Variants in MED12 observed in about 807,000 individuals in gnomAD.
The protein encoded by MED12 is mediator of RNA polymerase II transcription subunit 12.
A neutral mutation model predicts 177.7 loss-of-function variants in MED12; 10 were observed. The ratio of observed to expected loss-of-function variants is 0.06; its 90% CI spans 0.03 to 0.10. The LOEUF (loss-of-function observed/expected upper bound fraction) is 0.10, where lower values mean the gene tolerates loss of function less well. Ranked by LOEUF, MED12 falls within the 10% of genes least tolerant of loss-of-function variation. The pLI, the probability that MED12 is intolerant of heterozygous loss-of-function variation, is 1.00. For synonymous variants in MED12, 641 were observed against 678.4 expected (o/e 0.94, Z 0.86); for missense variants, 867 against 1,780.8 (o/e 0.49, Z 9.23).
At chrX:71,124,411 T>C in intron 13 of MED12, 23 bp downstream of exon 13, 1 of 1,114,969 alleles carries the variant, frequency 9.0e-7, no homozygotes, top group African/African-American at 1.8e-5. Flanking sequence ...TTCCTTGCAC[T>C]AGATCGTTTC....
intron 21 of MED12, 173 bp downstream of exon 21, chrX:71,127,640 A>G (rs2092306569): frequency 4.0e-6 from 2 of 497,506 alleles, no homozygotes; most frequent in Non-Finnish European, 6.9e-6. Context: ...CTTCCTCAGC[A>G]GGCTTGCTCC....
intron 28 of MED12, among the ~76,000 whole-genome samples, chrX:71,131,027 C>G (rs2092315507): frequency 8.9e-6 from 1 of 111,793 alleles, no homozygotes; most frequent in South Asian, 3.7e-4. Flanking sequence ...TTAAGCAGAA[C>G]TTCCTGATAC....
At position 71,137,320 on chromosome X, in the gene MED12, C is replaced by T; in HGVS notation, c.5685C>T (p.Thr1895=). The T allele has an allele frequency of 8.3e-7, 1 of 1,211,764 alleles. No homozygotes were observed. The highest frequency in any genetic ancestry group is 1.1e-6 in the Non-Finnish European group (1 of 895,492). Residue 1895 remains threonine (T), a synonymous_variant, in exon 39 of 45, where the codon ACC becomes ACT. Coordinates refer to ENST00000374080, the MANE Select transcript of MED12 (RefSeq NM_005120.3). ...GTTTAGAACCCTCCTCTTATAAGAC[C>T]TCTGTGTACCGGCAGCAGCAACCTG... is the stretch of plus-strand genomic sequence containing the variant. ...VMGLEPSSYK[T]SVYRQQQPAV... is the part of the protein sequence containing the mutation.
At chrX:71,141,859 C>G in intron 43 of MED12, 24 bp from the exon 44 acceptor site, 1 of 1,195,758 alleles carries the variant, frequency 8.4e-7, no homozygotes, top group Non-Finnish European at 1.1e-6. Context: ...CGACTTCAGT[C>G]TTCCACTTCC....
At chrX:71,125,927 A>G in intron 17 of MED12, 109 bp from the exon 18 acceptor site, 1 of 255,819 alleles carries the variant, frequency 3.9e-6, no homozygotes, top group Non-Finnish European at 7.3e-6. Context: ...CCCTCCTTCC[A>G]TCTCTCCCTC....
intron 13 of MED12, 42 bp from the exon 14 acceptor site, chrX:71,124,722 C>A (rs1569481284): frequency 1.8e-6 from 2 of 1,094,123 alleles, no homozygotes; most frequent in Non-Finnish European, 1.3e-6. Context: ...GGGAGCCACT[C>A]CCTAGGGCTA....
At chrX:71,122,487 C>T in intron 8 of MED12, 21 bp from the exon 9 acceptor site, 1 of 1,205,078 alleles carries the variant, frequency 8.3e-7, no homozygotes, top group Non-Finnish European at 1.1e-6. Context: ...ATCCTTGTAG[C>T]CTTCCTTTTT....
In MED12 at chrX:71,123,122, T is replaced by A. The variant is rs763909049; in HGVS notation, c.1513T>A (p.Ser505Thr). 7 of 1,209,592 alleles carry A rather than the reference T, an allele frequency of 5.8e-6. No individual in the cohort carries two copies. The highest frequency in any genetic ancestry group is 1.1e-6 in the Non-Finnish European group (1 of 895,002). Residue 505 changes from serine (S) to threonine (T), a missense_variant, in exon 11 of 45, where the codon TCA becomes ACA. This residue lies in a region of MED12 where 309 missense variants were observed against 556.3 expected (regional missense o/e 0.56). Transcript: ENST00000374080. ...EISSDDDAVV[S>T]LLCEWAVSCK... ...CTCCTCAGATGATGATGCTGTGGTG[T>A]CATTGCTATGTGAATGGGCTGTCAG...
intron 44 of MED12, 101 bp downstream of exon 44, chrX:71,142,065 G>A: frequency 9.0e-7 from 1 of 1,106,247 alleles, no homozygotes; most frequent in Non-Finnish European, 1.2e-6. Flanking sequence ...CAGGTTATGA[G>A]AGGAGGCATT....
intron 41 of MED12, among the ~76,000 whole-genome samples, chrX:71,139,898 C>CA (rs1301566457): frequency 1.5e-4 from 15 of 99,570 alleles, no homozygotes; most frequent in Middle Eastern, 5.1e-3. Context: ...GACTCTGTCT[C>CA]AAAAAAAAAA....
Position 71,137,551 on chromosome X carries a change from C to T in MED12, c.5749-7C>T, listed in dbSNP as rs1402668355. 2.5e-6 allele frequency: 3 copies of T among 1,206,753 alleles called. No individual in the cohort carries two copies. The highest frequency in any genetic ancestry group is 3.4e-6 in the Non-Finnish European group (3 of 891,974). ...TGAGTTTGAGTTGTTCTCTTTTCTC[C>T]CTTTAGCAGAGTCAGGGCATGTTGG... On this transcript the variant is annotated splice_region_variant and splice_polypyrimidine_tract_variant and intron_variant, in intron 39 of 44. Coordinates refer to ENST00000374080, the MANE Select transcript of MED12 (RefSeq NM_005120.3).
chrX:71,124,550 T>C (rs773071521), intron 13 of MED12, among the ~76,000 whole-genome samples, 162 bp downstream of exon 13: 1 of 111,791 alleles, frequency 8.9e-6, no homozygotes, highest in South Asian at 3.8e-4. Context: ...TTTCATTGGT[T>C]CCTCCCATCA....
In MED12 at chrX:71,142,233, C is replaced by A. The variant is rs775748389; in HGVS notation, c.*15C>A. On this transcript the variant is annotated 3_prime_UTR_variant, in exon 45 of 45. Coordinates refer to ENST00000374080, the MANE Select transcript of MED12 (RefSeq NM_005120.3). Reference sequence around the variant, plus strand: ...GACGCTACTGAGCCACCTGGAGGAACTGCTTGTGCACTGGATGTGGCCCCA... The same window carrying A: ...GACGCTACTGAGCCACCTGGAGGAAATGCTTGTGCACTGGATGTGGCCCCA... 3 of 1,207,407 alleles carry A rather than the reference C, an allele frequency of 2.5e-6. No individual in the cohort carries two copies. In the East Asian group the frequency reaches 8.9e-5, roughly 36 times the overall value.
At chrX:71,133,364 C>CA (rs1309438488) in intron 33 of MED12, 152 bp downstream of exon 33, 1 of 450,014 alleles carries the variant, frequency 2.2e-6, no homozygotes, top group Non-Finnish European at 3.8e-6. Flanking sequence ...GTCAGAGTCT[C>CA]ACTCTGTCAC....
At position 71,137,889 on chromosome X, in the gene MED12, G is replaced by A; in HGVS notation, c.5990G>A (p.Gly1997Asp). The A allele has an allele frequency of 8.3e-7, 1 of 1,211,694 alleles. No homozygotes were observed. The change falls in exon 41 of 45, where the codon GGC becomes GAC. Residue 1997 changes from glycine to aspartate, a missense_variant. Physicochemically the swap from Gly to Asp is moderately conservative, Grantham distance 94. This residue lies in a region of MED12 where 236 missense variants were observed against 345.2 expected (regional missense o/e 0.68). Coordinates refer to ENST00000374080, the MANE Select transcript of MED12 (RefSeq NM_005120.3). ...PTRHLQQRPS[G>D]YVHQQAPTYG... ...CGCCACCTGCAACAGCGGCCCAGTG[G>A]CTATGTGCACCAGCAGGCCCCCACC...
intron 2 of MED12, 24 bp from the exon 3 acceptor site, chrX:71,119,662 T>C: frequency 8.3e-7 from 1 of 1,207,345 alleles, no homozygotes; most frequent in Non-Finnish European, 1.1e-6. Flanking sequence ...CTTCCCACCC[T>C]GAGGTACACT....
chrX:71,127,106 G>A lies in MED12; in HGVS notation c.2823G>A (p.Gln941=), dbSNP rs917175594. The change falls in exon 20 of 45, where the codon CAG becomes CAA. Residue 941 remains glutamine, a synonymous_variant. Transcript: ENST00000374080. ...ATCATGCCTGCCTCATCCTCAACCA[G>A]GACCAGATGGCACAGGTCTTTGAGG... is the stretch of plus-strand genomic sequence containing the variant. The part of the protein sequence containing the change: ...RHYHACLILN[Q]DQMAQVFEGL... 4.1e-6 allele frequency: 5 copies of A among 1,209,863 alleles called. No homozygotes were observed. The highest frequency in any genetic ancestry group is 5.6e-6 in the Non-Finnish European group (5 of 895,059).
rs776154055 is a variant in MED12 at position 71,118,830 on chromosome X, C to G, written c.76C>G (p.Pro26Ala). The G allele has an allele frequency of 3.5e-5, 42 of 1,205,611 alleles. No homozygotes were observed. Among genetic ancestry groups the G allele is most frequent in the Non-Finnish European group, 4.3e-5 (38 of 893,781 alleles). ...GCGGCTGGGGCCTCCCGATGTTTAC[C>G]CTCAGGACCCCAAACAGAAGGAGGT... Reference protein sequence around the residue: ...RPRLGPPDVYPQDPKQKEDEL... With the variant: ...RPRLGPPDVYAQDPKQKEDEL... Residue 26 changes from proline (P) to alanine (A), a missense_variant, in exon 1 of 45, where the codon CCT becomes GCT. Transcript: ENST00000374080.
Position 71,126,327 on chromosome X carries a change from A to T in MED12, c.2542-14A>T. On this transcript the variant is annotated splice_polypyrimidine_tract_variant and intron_variant, in intron 18 of 44. Transcript: ENST00000374080. ...CTCTCTCCACTCCCATCTCACTCCCACTGCCCTTATCAGGTCTCCCGGAAT... is the reference window on the plus strand; with the variant it reads ...CTCTCTCCACTCCCATCTCACTCCCTCTGCCCTTATCAGGTCTCCCGGAAT... 8.3e-7 allele frequency: 1 copy of T among 1,210,619 alleles called. No homozygotes were observed. The highest frequency in any genetic ancestry group is 1.1e-6 in the Non-Finnish European group (1 of 895,018).
Sources: gnomAD v4.1 joint callset for allele counts (sites outside exome capture counted in the v4.1 genomes callset) on GRCh38, gnomAD v4.1.1 for gene constraint, gnomAD v4.1.1 regional missense constraint, MANE v1.5 for transcripts, NCBI Gene and HGNC (gene_info 2026-07-23, HGNC 2026-07-21) for gene names.